KPNA4: variants seen among roughly 807,000 people sequenced by gnomAD.
KPNA4 encodes the protein karyopherin subunit alpha 4.
Under a neutral mutation model 71.3 loss-of-function variants are expected in KPNA4, and 13 were observed. That is an observed-to-expected ratio of 0.18 (90% confidence interval 0.12 to 0.29). The LOEUF (loss-of-function observed/expected upper bound fraction) is 0.29. Ranked by LOEUF, KPNA4 falls within the 10% of genes least tolerant of loss-of-function variation. The probability of loss-of-function intolerance (pLI) is 1.00; values close to 1 mark genes in which losing one functional copy is unlikely to be tolerated. For missense variants in KPNA4, 334 were observed against 603.2 expected, an observed-to-expected ratio of 0.55 and a Z score of 4.67; for synonymous variants, 189 against 195.2, an observed-to-expected ratio of 0.97 and a Z score of 0.26.
intron 1 of KPNA4, among the ~76,000 whole-genome samples, chr3:160,554,144 T>C (rs1722091824): frequency 6.6e-6 from 1 of 152,214 alleles, no homozygotes. Flanking sequence ...TACTGGAAAG[T>C]TGTCACAACT....
In KPNA4 at chr3:160,515,608, A is replaced by G. The variant is rs191237821; in HGVS notation, c.904-28T>C. On this transcript the variant is annotated intron_variant, in intron 11 of 16. Coordinates refer to ENST00000334256, the MANE Select transcript of KPNA4 (RefSeq NM_002268.5). The stretch of plus-strand genomic sequence containing the variant: ...GAAATGCACAATGAGATGACATTCT[A>G]TGTGAAATCCTTTTTTTTTTTTTTG... 6.8e-5 allele frequency: 109 copies of G among 1,596,562 alleles called. No homozygotes were observed. In the African/African-American group the frequency reaches 1.2e-3, roughly 18 times the overall value.
intron 1 of KPNA4, among the ~76,000 whole-genome samples, chr3:160,542,955 A>C (rs890225535): frequency 6.6e-6 from 1 of 152,242 alleles, no homozygotes; most frequent in African/African-American, 2.4e-5. Flanking sequence ...AGAAACTGTT[A>C]GGTGTTAACT....
At chr3:160,521,731 G>C in intron 11 of KPNA4, 48 bp downstream of exon 11, 1 of 1,555,808 alleles carries the variant, frequency 6.4e-7, no homozygotes, top group South Asian at 1.1e-5. Flanking sequence ...CATGCTTAAA[G>C]CAATTAGTGG....
chr3:160,558,531 C>G (rs1017066963), intron 1 of KPNA4, among the ~76,000 whole-genome samples: 2 of 152,098 alleles, frequency 1.3e-5, no homozygotes, highest in Non-Finnish European at 2.9e-5. Context: ...GAGTTCAAAC[C>G]CAGACCTAAG....
chr3:160,552,579 C>A (rs1722062248), intron 1 of KPNA4, among the ~76,000 whole-genome samples: 1 of 152,108 alleles, frequency 6.6e-6, no homozygotes, highest in Admixed American at 6.6e-5. Context: ...TGAGTAAACA[C>A]ACAAATATAT....
chr3:160,548,673 C>A (rs990707508), intron 1 of KPNA4, among the ~76,000 whole-genome samples: 1 of 152,130 alleles, frequency 6.6e-6, no homozygotes, highest in Non-Finnish European at 1.5e-5. Flanking sequence ...TATGTACATA[C>A]ACATTTTATC....
chr3:160,558,797 G>A (rs1331488007), intron 1 of KPNA4, among the ~76,000 whole-genome samples: 2 of 152,094 alleles, frequency 1.3e-5, no homozygotes, highest in Non-Finnish European at 2.9e-5. Context: ...TGATGCCATA[G>A]GGGTAAGACT....
intron 10 of KPNA4, among the ~76,000 whole-genome samples, chr3:160,523,639 A>T (rs1003219939): frequency 1.3e-5 from 2 of 151,938 alleles, no homozygotes; most frequent in Non-Finnish European, 2.9e-5. Context: ...CACGAGGTCA[A>T]GAGTTCAAGA....
At chr3:160,518,435 T>G (rs1411504453) in intron 11 of KPNA4, among the ~76,000 whole-genome samples, 1 of 149,772 alleles carries the variant, frequency 6.7e-6, no homozygotes, top group Admixed American at 6.7e-5. Context: ...GCGCCCGGCC[T>G]ATTCTGAGTT....
chr3:160,565,128 GC>G (rs1722319526), intron 1 of KPNA4, 85 bp downstream of exon 1: 1 of 1,146,894 alleles, frequency 8.7e-7, no homozygotes, highest in Admixed American at 2.0e-5. Context: ...GGCGGCTCCC[GC>G]CCCTAATCCC....
At chr3:160,555,354 C>G (rs1374741460) in intron 1 of KPNA4, among the ~76,000 whole-genome samples, 2 of 152,116 alleles carry the variant, frequency 1.3e-5, no homozygotes, top group Non-Finnish European at 2.9e-5. Context: ...ATAATGTTTT[C>G]AAGGTTCATC....
Position 160,500,204 on chromosome 3 carries a change from A to G in KPNA4, c.*1900T>C. On this transcript the variant is annotated 3_prime_UTR_variant, in exon 17 of 17. Coordinates refer to ENST00000334256, the MANE Select transcript of KPNA4 (RefSeq NM_002268.5). The stretch of plus-strand genomic sequence containing the variant: ...TTAAGTTTTAATGTTTATTTCCCCA[A>G]GACAGCCTAGCCTGCACTCTACTTG... The G allele has an allele frequency of 6.6e-6, 1 of 152,466 alleles. No homozygotes were observed. Among genetic ancestry groups the G allele is most frequent in the East Asian group, 1.9e-4 (1 of 5,200 alleles). The allele number at this position is 152,466 out of a possible 1,614,324, so 9.4% of individuals were successfully genotyped here.
chr3:160,536,726 G>A (rs1427702654), intron 2 of KPNA4, 70 bp downstream of exon 2: 3 of 756,836 alleles, frequency 4.0e-6, no homozygotes, highest in Non-Finnish European at 6.3e-6. Context: ...TATATATTTG[G>A]CATCTTGTAT....
chr3:160,552,688 A>C lies in KPNA4; in HGVS notation c.69+12526T>G, dbSNP rs142255695. On this transcript the variant is annotated intron_variant, in intron 1 of 16. Transcript: ENST00000334256. Reference sequence around the variant, plus strand: ...ATGACTTTGAAGCGAGATTCAAAGGATGAGAAATAACCATGTAAATGAAGG... The same window carrying C: ...ATGACTTTGAAGCGAGATTCAAAGGCTGAGAAATAACCATGTAAATGAAGG... Among the ~76,000 whole-genome samples the C allele has an allele frequency of 1.7e-3, 262 of 152,360 alleles. 1 individual carries two copies. Among genetic ancestry groups the C allele is most frequent in the South Asian group, 6.2e-3 (30 of 4,832 alleles).
chr3:160,545,375 T>G (rs1271563415), intron 1 of KPNA4, among the ~76,000 whole-genome samples: 3 of 151,586 alleles, frequency 2.0e-5, no homozygotes, highest in African/African-American at 7.3e-5. Flanking sequence ...GTGTTCTGAG[T>G]GTTAAGGAGA....
intron 1 of KPNA4, among the ~76,000 whole-genome samples, chr3:160,547,193 T>C (rs575497392): frequency 3.9e-5 from 6 of 152,368 alleles, no homozygotes; most frequent in East Asian, 3.9e-4. Flanking sequence ...CTTGTCATAT[T>C]TGCCTTTTTT....
chr3:160,531,417 G>T (rs1466723748), intron 6 of KPNA4, 45 bp downstream of exon 6: 2 of 970,252 alleles, frequency 2.1e-6, no homozygotes, highest in Non-Finnish European at 3.0e-6. Context: ...CTTCTCCAAA[G>T]GATACATTCT....
chr3:160,500,303 CT>C lies in KPNA4; in HGVS notation c.*1800del, dbSNP rs1720851078. Reference sequence around the variant, plus strand: ...ACCATGTTTCTGATGACAAGGAATGCTGCAAAAATACTCTAGTTCAACAAAG... The same window carrying C: ...ACCATGTTTCTGATGACAAGGAATGCGCAAAAATACTCTAGTTCAACAAAG... On this transcript the variant is annotated 3_prime_UTR_variant, in exon 17 of 17. Transcript: ENST00000334256. The C allele has an allele frequency of 6.6e-6, 1 of 152,556 alleles. No individual in the cohort carries two copies. The highest frequency in any genetic ancestry group is 1.5e-5 in the Non-Finnish European group (1 of 68,002). 9.5% of individuals were successfully genotyped at this position (152,556 alleles called of 1,614,324 possible).
intron 1 of KPNA4, among the ~76,000 whole-genome samples, chr3:160,546,273 T>G (rs909924816): frequency 1.8e-4 from 28 of 152,180 alleles, no homozygotes; most frequent in Admixed American, 1.5e-3. Flanking sequence ...ATTCCAGTAC[T>G]TTGGGAGGCT....
Sources: allele counts gnomAD v4.1 joint callset (sites outside exome capture counted in the v4.1 genomes callset), GRCh38; gene constraint gnomAD v4.1.1; transcripts MANE v1.5; gene names NCBI Gene and HGNC (gene_info 2026-07-23, HGNC 2026-07-21).